ORC4: variants seen among roughly 807,000 people sequenced by gnomAD.
ORC4 encodes origin recognition complex subunit 4.
Under a neutral mutation model 63.9 loss-of-function variants are expected in ORC4, and 55 were observed. That is an observed-to-expected ratio of 0.86 (90% CI 0.69 to 1.08). The LOEUF (loss-of-function observed/expected upper bound fraction) is 1.08, where lower values mean the gene tolerates loss of function less well. ORC4 is among the 50% of genes least tolerant of loss of function. ORC4 has a pLI of 0.00. For missense variants in ORC4, 511 were observed against 504.4 expected (o/e 1.01, Z -0.13); for synonymous variants, 150 against 168.5 (o/e 0.89, Z 0.85).
In ORC4 at chr2:147,933,021, A is replaced by C. The variant is rs1687853853; in HGVS notation, c.*2489T>G. On this transcript the variant is annotated 3_prime_UTR_variant, in exon 14 of 14. Transcript: ENST00000392857. ...TCATTCCCCAGAGCCTTTCACATGCACGAGAATCAGTCATTTTAACAAGAA... is the reference window on the plus strand; with the variant it reads ...TCATTCCCCAGAGCCTTTCACATGCCCGAGAATCAGTCATTTTAACAAGAA... The C allele has an allele frequency of 6.6e-6, 1 of 151,920 alleles. No homozygotes were observed. The allele number at this position is 151,920 out of a possible 1,614,324, so 9.4% of individuals were successfully genotyped here. A position where few individuals can be genotyped will look rare whatever the true frequency, so the allele number is the denominator to read the frequency against.
chr2:148,019,290 A>C (rs1975748), intron 1 of ORC4, among the ~76,000 whole-genome samples: 50,199 of 152,084 alleles, frequency 0.33, 8,548 homozygotes, highest in East Asian at 0.52. Flanking sequence ...GATAGTGTAC[A>C]CCTAAAGAAC....
intron 11 of ORC4, 168 bp from the exon 12 acceptor site, chr2:147,938,561 C>T (rs1688190246): frequency 1.7e-6 from 1 of 583,212 alleles, no homozygotes; most frequent in East Asian, 2.9e-5. Flanking sequence ...ATTTAAGTTA[C>T]TTAACCTCCC....
chr2:147,995,510 C>T (rs1193780021), intron 1 of ORC4, among the ~76,000 whole-genome samples: 6 of 152,138 alleles, frequency 3.9e-5, no homozygotes, highest in Admixed American at 3.9e-4. Flanking sequence ...TTTGTTCTTT[C>T]GCTCTTCACA....
At position 148,018,262 on chromosome 2, in the gene ORC4, A is replaced by T. The variant is rs973539816; in HGVS notation, c.-18+2371T>A. Among the ~76,000 whole-genome samples, 4 of 152,228 alleles carry T rather than the reference A, an allele frequency of 2.6e-5. No homozygotes were observed. In the South Asian group the frequency reaches 8.3e-4, roughly 31 times the overall value. ...CTGGGCAGAATAAATTAAAACAACA[A>T]TAAGATAAAGCCACATTCATCAAGT... On this transcript the variant is annotated intron_variant, in intron 1 of 13. Coordinates refer to ENST00000392857, the MANE Select transcript of ORC4 (RefSeq NM_181741.4).
At chr2:147,987,919 G>A (rs1691320127) in intron 1 of ORC4, among the ~76,000 whole-genome samples, 1 of 151,850 alleles carries the variant, frequency 6.6e-6, no homozygotes, top group South Asian at 2.1e-4. Context: ...CAGGTGTGGT[G>A]GCCGGCGCCT....
intron 8 of ORC4, among the ~76,000 whole-genome samples, chr2:147,949,056 CAGTAT>C (rs1397118364): frequency 8.0e-6 from 1 of 124,794 alleles, no homozygotes; most frequent in African/African-American, 2.9e-5. Flanking sequence ...TATATATATA[CAGTAT>C]AGTATAATAT....
intron 9 of ORC4, among the ~76,000 whole-genome samples, chr2:147,946,038 T>C (rs928366580): frequency 2.6e-5 from 4 of 152,120 alleles, no homozygotes; most frequent in African/African-American, 9.7e-5. Context: ...GACAAGACAG[T>C]GCTCACATGC....
chr2:147,966,981 A>T (rs1689929453), intron 4 of ORC4, among the ~76,000 whole-genome samples: 3 of 152,172 alleles, frequency 2.0e-5, no homozygotes, highest in Admixed American at 2.0e-4. Context: ...ATGCAAAAAG[A>T]TCATTCACCA....
chr2:147,971,634 C>T (rs1401370616), intron 4 of ORC4, among the ~76,000 whole-genome samples: 2 of 151,830 alleles, frequency 1.3e-5, no homozygotes, highest in Admixed American at 6.6e-5. Context: ...AATTTAAAAA[C>T]ATTTCACATA....
At chr2:147,946,346 A>G (rs1688658004) in intron 9 of ORC4, among the ~76,000 whole-genome samples, 1 of 152,094 alleles carries the variant, frequency 6.6e-6, no homozygotes, top group Non-Finnish European at 1.5e-5. Flanking sequence ...ATGAAAGACT[A>G]CATTTGAATC....
chr2:147,935,655 T>G lies in ORC4; in HGVS notation c.1166A>C (p.Glu389Ala). Residue 389 changes from glutamate (E) to alanine (A), a missense_variant, in exon 14 of 14, where the codon GAA becomes GCA. Coordinates refer to ENST00000392857, the MANE Select transcript of ORC4 (RefSeq NM_181741.4). ...LQQLELIKPMERTSGNSQREY... is the reference protein window; with the variant it reads ...LQQLELIKPMARTSGNSQREY... ...TCTCTGTGAATTTCCTGAAGTTCTT[T>G]CCATGGGCTTTATTAATTCTAATTG... The G allele has an allele frequency of 6.2e-7, 1 of 1,613,452 alleles. No homozygotes were observed. Among genetic ancestry groups the G allele is most frequent in the Non-Finnish European group, 8.5e-7 (1 of 1,179,808 alleles).
rs190016095 is a variant in ORC4, at chr2:148,010,177, T to C, written c.-18+10456A>G. ...TGGAAACACAACCTACTAAAACTTA[T>C]GAGATACAGTTAAAGCTAACACTAA... On this transcript the variant is annotated intron_variant, in intron 1 of 13. Coordinates refer to ENST00000392857, the MANE Select transcript of ORC4 (RefSeq NM_181741.4). 5.3e-5 allele frequency among the ~76,000 whole-genome samples: 8 copies of C among 152,036 alleles called. No homozygotes were observed. The South Asian group carries it at 1.0e-3, about 20-fold the overall frequency.
At chr2:147,956,407 A>C (rs1689254828) in intron 6 of ORC4, among the ~76,000 whole-genome samples, 1 of 152,066 alleles carries the variant, frequency 6.6e-6, no homozygotes, top group Non-Finnish European at 1.5e-5. Flanking sequence ...TTTGCTTAAA[A>C]GATTATTACA....
chr2:148,015,903 T>C (rs1693252896), intron 1 of ORC4, among the ~76,000 whole-genome samples: 1 of 152,152 alleles, frequency 6.6e-6, no homozygotes, highest in Non-Finnish European at 1.5e-5. Context: ...TACCAGAGCC[T>C]TGAGGATGAG....
intron 8 of ORC4, among the ~76,000 whole-genome samples, chr2:147,952,169 G>A (rs919696113): frequency 2.6e-5 from 4 of 152,104 alleles, no homozygotes; most frequent in African/African-American, 9.7e-5. Context: ...TTCACTGGGA[G>A]GAGGGAGGTA....
At chr2:147,937,877 G>C in intron 13 of ORC4, 2 of 459,264 alleles carry the variant, frequency 4.4e-6, no homozygotes, top group Non-Finnish European at 3.9e-6. Context: ...AAAGGGAAAG[G>C]TTATATCACA....
At chr2:147,999,606 T>C (rs1285227046) in intron 1 of ORC4, among the ~76,000 whole-genome samples, 1 of 152,086 alleles carries the variant, frequency 6.6e-6, no homozygotes, top group African/African-American at 2.4e-5. Flanking sequence ...ATTGTCCCAC[T>C]TGAGAATCAC....
intron 1 of ORC4, among the ~76,000 whole-genome samples, chr2:147,994,399 C>A (rs1436146990): frequency 6.6e-6 from 1 of 151,986 alleles, no homozygotes; most frequent in Non-Finnish European, 1.5e-5. Context: ...AACACGATAC[C>A]GAAGGAGAAC....
chr2:148,002,876 TAAAGA>T (rs761495683), intron 1 of ORC4, among the ~76,000 whole-genome samples: 4 of 151,442 alleles, frequency 2.6e-5, no homozygotes, highest in Non-Finnish European at 3.0e-5. Flanking sequence ...GCCAGACTAA[TAAAGA>T]AAAGAGAGAA....
Sources: gnomAD v4.1 joint callset for allele counts (sites outside exome capture counted in the v4.1 genomes callset) on GRCh38, gnomAD v4.1.1 for gene constraint, MANE v1.5 for transcripts, NCBI Gene and HGNC (gene_info 2026-07-23, HGNC 2026-07-21) for gene names.